The following SPOCK3 variants were observed in gnomAD, a reference collection of about 807,000 sequenced individuals.
The protein encoded by SPOCK3 is SPARC (osteonectin), cwcv and kazal like domains proteoglycan 3.
In SPOCK3, 30 loss-of-function variants were observed where a neutral mutation model predicts 56.6. The observed-to-expected ratio is 0.53, with a 90% CI of 0.40 to 0.72. The LOEUF (loss-of-function observed/expected upper bound fraction) is 0.72. Ranked by LOEUF, SPOCK3 falls within the 30% of genes least tolerant of loss-of-function variation. The pLI is 0.00. For missense variants in SPOCK3, 527 were observed against 530.0 expected, an observed-to-expected ratio of 0.99 and a Z score of 0.06; for synonymous variants, 196 against 183.3, an observed-to-expected ratio of 1.07 and a Z score of -0.56.
chr4:167,044,754 T>C (rs149210696), intron 3 of SPOCK3, among the ~76,000 whole-genome samples: 49 of 152,278 alleles, frequency 3.2e-4, no homozygotes, highest in Middle Eastern at 3.4e-3. Context: ...ATTTCAACTT[T>C]AATTCCATTA....
intron 6 of SPOCK3, among the ~76,000 whole-genome samples, chr4:166,826,037 T>A (rs1177657985): frequency 6.6e-5 from 10 of 152,038 alleles, no homozygotes; most frequent in Non-Finnish European, 1.2e-4. Context: ...CCAAAAACTA[T>A]TAAATTTTTT....
intron 1 of SPOCK3, 27 bp downstream of exon 1, chr4:167,234,423 G>T (rs1737524002): frequency 5.3e-6 from 3 of 568,924 alleles, no homozygotes; most frequent in Non-Finnish European, 9.4e-6. Context: ...GCCCGAGCGG[G>T]CACAAAACCG....
chr4:166,978,236 G>A (rs189341735), intron 4 of SPOCK3, among the ~76,000 whole-genome samples: 3 of 151,746 alleles, frequency 2.0e-5, no homozygotes, highest in Non-Finnish European at 4.4e-5. Flanking sequence ...TATTTTTTCT[G>A]TTACATGAAA....
intron 2 of SPOCK3, among the ~76,000 whole-genome samples, chr4:167,162,465 T>A (rs1765401099): frequency 1.3e-5 from 2 of 152,124 alleles, no homozygotes; most frequent in African/African-American, 4.8e-5. Flanking sequence ...TGTACTTACT[T>A]AAGTTTAAAT....
intron 2 of SPOCK3, among the ~76,000 whole-genome samples, chr4:167,226,955 G>T (rs1239113078): frequency 6.6e-6 from 1 of 152,110 alleles, no homozygotes. Context: ...TTGTAAGTGA[G>T]GTGGAAGAGA....
chr4:166,852,521 G>C (rs1230416858), intron 6 of SPOCK3, among the ~76,000 whole-genome samples: 1 of 152,036 alleles, frequency 6.6e-6, no homozygotes, highest in Non-Finnish European at 1.5e-5. Flanking sequence ...ACACTGCCCT[G>C]CTCTACTGTG....
At position 166,754,636 on chromosome 4, in the gene SPOCK3, G is replaced by A. The variant is rs1284927636; in HGVS notation, c.803C>T (p.Ser268Leu). Residue 268 changes from serine (S) to leucine (L), a missense_variant, in exon 8 of 11, where the codon TCA becomes TTA. Ser to Leu is a moderately radical substitution (Grantham distance 145). Coordinates refer to ENST00000357545, the MANE Select transcript of SPOCK3 (RefSeq NM_001040159.2). ...ATCAAGGTAAATGCTTCTGAGCTCT[G>A]ACTGGTCCAATAGCAGGTCATAGTT... ...DTNYDLLLDQ[S>L]ELRSIYLDKN... The A allele has an allele frequency of 1.9e-6, 3 of 1,613,710 alleles. No homozygotes were observed. Among genetic ancestry groups the A allele is most frequent in the African/African-American group, 1.3e-5 (1 of 75,012 alleles).
At chr4:167,088,559 G>C (rs1281578057) in intron 2 of SPOCK3, among the ~76,000 whole-genome samples, 2 of 149,716 alleles carry the variant, frequency 1.3e-5, no homozygotes, top group Non-Finnish European at 3.0e-5. Flanking sequence ...CCGCCTCCCA[G>C]GTTAGAGCAA....
chr4:166,911,423 C>CTT (rs150025287), intron 5 of SPOCK3, among the ~76,000 whole-genome samples: 3,494 of 152,240 alleles, frequency 0.023, 121 homozygotes, highest in African/African-American at 0.069. Flanking sequence ...CTGGAAATAA[C>CTT]TGCAGTAAGC....
intron 2 of SPOCK3, among the ~76,000 whole-genome samples, chr4:167,067,998 TACCTC>T (rs1226974724): frequency 1.3e-5 from 2 of 151,820 alleles, no homozygotes; most frequent in Non-Finnish European, 2.9e-5. Flanking sequence ...CCAAAATGAA[TACCTC>T]ACTGTTTAAT....
chr4:166,752,573 TACACAC>T (rs67209921), intron 8 of SPOCK3, among the ~76,000 whole-genome samples: 1,051 of 28,784 alleles, frequency 0.037, 8 homozygotes, highest in African/African-American at 0.045. Flanking sequence ...TATATATATA[TACACAC>T]ACACACACAC....
chr4:166,901,656 C>T (rs1450508444), intron 5 of SPOCK3, among the ~76,000 whole-genome samples: 4 of 152,066 alleles, frequency 2.6e-5, no homozygotes, highest in Non-Finnish European at 5.9e-5. Flanking sequence ...GTGTATCCTG[C>T]TGCACCTGAC....
intron 2 of SPOCK3, among the ~76,000 whole-genome samples, chr4:167,190,789 GTATGA>G (rs1292491140): frequency 2.1e-5 from 3 of 145,572 alleles, no homozygotes; most frequent in African/African-American, 5.2e-5. Context: ...TAAATTTTGT[GTATGA>G]TATAAGATAA....
At chr4:166,735,117 C>A in intron 10 of SPOCK3, 27 bp from the exon 11 acceptor site, 1 of 1,477,094 alleles carries the variant, frequency 6.8e-7, no homozygotes. Context: ...GTAAACATAA[C>A]CTTTATTTGA....
intron 6 of SPOCK3, among the ~76,000 whole-genome samples, chr4:166,858,980 A>T (rs987995623): frequency 6.6e-6 from 1 of 152,162 alleles, no homozygotes; most frequent in Non-Finnish European, 1.5e-5. Flanking sequence ...GGAGCTGAAA[A>T]ATTTGTATCC....
chr4:167,079,901 C>T (rs1757557317), intron 2 of SPOCK3, among the ~76,000 whole-genome samples: 1 of 151,842 alleles, frequency 6.6e-6, no homozygotes, highest in Non-Finnish European at 1.5e-5. Flanking sequence ...AGAAACTGTG[C>T]CTACCAGTTT....
chr4:167,156,605 C>T (rs980116694), intron 2 of SPOCK3, among the ~76,000 whole-genome samples: 13 of 152,186 alleles, frequency 8.5e-5, no homozygotes, highest in Non-Finnish European at 1.8e-4. Flanking sequence ...ATGTGAAATA[C>T]AGGATTTACT....
At chr4:167,188,589 G>C (rs1000168984) in intron 2 of SPOCK3, among the ~76,000 whole-genome samples, 3 of 145,392 alleles carry the variant, frequency 2.1e-5, no homozygotes, top group Non-Finnish European at 4.5e-5. Flanking sequence ...CAATAAACAT[G>C]GAAAGTGGAG....
intron 2 of SPOCK3, among the ~76,000 whole-genome samples, chr4:167,145,705 A>C (rs1386949470): frequency 6.6e-6 from 1 of 152,142 alleles, no homozygotes; most frequent in East Asian, 1.9e-4. Context: ...TATCCAGCCA[A>C]ACTAAGCTTC....
Sources: gnomAD v4.1 joint callset for allele counts (sites outside exome capture counted in the v4.1 genomes callset) on GRCh38, gnomAD v4.1.1 for gene constraint, MANE v1.5 for transcripts, NCBI Gene and HGNC (gene_info 2026-07-23, HGNC 2026-07-21) for gene names.